Variants in NDST4 observed in about 807,000 individuals in gnomAD.
NDST4 encodes N-deacetylase and N-sulfotransferase 4, also known as N-heparan sulfate sulfotransferase 4.
Under a neutral mutation model 100.8 loss-of-function variants are expected in NDST4, and 63 were observed. That is an observed-to-expected ratio of 0.62 (90% confidence interval 0.51 to 0.77). The LOEUF (loss-of-function observed/expected upper bound fraction) is 0.77, where lower values mean the gene tolerates loss of function less well. NDST4 is among the 30% of genes least tolerant of loss of function. NDST4 has a pLI of 0.00. For synonymous variants in NDST4, 377 were observed against 361.8 expected (o/e 1.04, Z -0.48); for missense variants, 943 against 1,018.4 (o/e 0.93, Z 1.01).
chr4:115,043,344 C>T (rs1450270594), intron 2 of NDST4, among the ~76,000 whole-genome samples: 3 of 151,932 alleles, frequency 2.0e-5, no homozygotes, highest in African/African-American at 7.3e-5. Context: ...TAAGTTATCA[C>T]TAAAATATAC....
intron 2 of NDST4, among the ~76,000 whole-genome samples, chr4:114,991,741 A>T (rs960279699): frequency 1.3e-5 from 2 of 152,066 alleles, no homozygotes; most frequent in African/African-American, 4.8e-5. Flanking sequence ...AATTAAATGG[A>T]GTATTTATAC....
At chr4:115,005,639 C>T (rs1000747738) in intron 2 of NDST4, among the ~76,000 whole-genome samples, 2 of 152,074 alleles carry the variant, frequency 1.3e-5, no homozygotes, top group Non-Finnish European at 2.9e-5. Flanking sequence ...TTACTATATT[C>T]AAACTAATCT....
Position 115,076,998 on chromosome 4 carries a change from T to A in NDST4, c.39A>T (p.Thr13=), listed in dbSNP as rs747733422. 2.5e-6 allele frequency: 4 copies of A among 1,608,332 alleles called. No individual in the cohort carries two copies. In the African/African-American group the frequency reaches 5.4e-5, roughly 22 times the overall value. ...AAAAGGTAGCTAAGAGAACAATCAATGTTCGAAAACTTCTCCGAAGTTTCA... is the reference window on the plus strand; with the variant it reads ...AAAAGGTAGCTAAGAGAACAATCAAAGTTCGAAAACTTCTCCGAAGTTTCA... The part of the protein sequence containing the change: ...LIVKLRRSFR[T]LIVLLATFCL... The change falls in exon 2 of 14, where the codon ACA becomes ACT. Residue 13 remains threonine, a synonymous_variant. Transcript: ENST00000264363.
At chr4:115,016,033 G>C (rs1727669734) in intron 2 of NDST4, among the ~76,000 whole-genome samples, 1 of 151,974 alleles carries the variant, frequency 6.6e-6, no homozygotes. Flanking sequence ...CAATGCTTCT[G>C]CCAAAACTAC....
At chr4:114,859,550 G>C (rs186559750) in intron 7 of NDST4, among the ~76,000 whole-genome samples, 5 of 152,254 alleles carry the variant, frequency 3.3e-5, no homozygotes, top group African/African-American at 1.2e-4. Context: ...TTTCAGACTA[G>C]AGCAAACCCT....
At chr4:114,862,574 A>G (rs566503668) in intron 7 of NDST4, among the ~76,000 whole-genome samples, 21 of 152,216 alleles carry the variant, frequency 1.4e-4, no homozygotes, top group Admixed American at 1.0e-3. Flanking sequence ...CTTATTTGTG[A>G]GCTCGTTCTT....
chr4:114,959,547 A>G (rs1227026270), intron 4 of NDST4, among the ~76,000 whole-genome samples: 1 of 152,064 alleles, frequency 6.6e-6, no homozygotes, highest in Non-Finnish European at 1.5e-5. Flanking sequence ...CATAAGAAAA[A>G]CTTGTCCCCA....
chr4:114,933,118 A>C (rs1395638305), intron 6 of NDST4, among the ~76,000 whole-genome samples: 1 of 152,154 alleles, frequency 6.6e-6, no homozygotes, highest in Non-Finnish European at 1.5e-5. Context: ...TGACATAAAG[A>C]GTGACATAAA....
chr4:114,897,358 C>CT (rs1381106201), intron 6 of NDST4, among the ~76,000 whole-genome samples: 1 of 152,268 alleles, frequency 6.6e-6, no homozygotes, highest in African/African-American at 2.4e-5. Context: ...ACTTCTTTCA[C>CT]TTAATAATAT....
intron 2 of NDST4, among the ~76,000 whole-genome samples, chr4:115,025,148 C>T (rs1407349383): frequency 2.0e-5 from 3 of 152,262 alleles, no homozygotes; most frequent in South Asian, 4.1e-4. Context: ...CAAAGACAGA[C>T]CCCACAAATC....
chr4:114,886,860 C>T (rs116819170), intron 6 of NDST4, among the ~76,000 whole-genome samples: 1,779 of 152,218 alleles, frequency 0.012, 32 homozygotes, highest in Non-Finnish European at 0.021. Context: ...TTTTTGAATA[C>T]TTTTGTGAGA....
At chr4:114,975,106 G>GCA (rs1286565730) in intron 3 of NDST4, among the ~76,000 whole-genome samples, 2 of 152,084 alleles carry the variant, frequency 1.3e-5, no homozygotes, top group African/African-American at 4.8e-5. Context: ...TAGGGGTAAG[G>GCA]CACGTCTTTC....
chr4:115,004,928 G>T (rs960645782), intron 2 of NDST4, among the ~76,000 whole-genome samples: 2 of 152,092 alleles, frequency 1.3e-5, no homozygotes, highest in Non-Finnish European at 2.9e-5. Context: ...TTACAGGATT[G>T]ACTATTTTTC....
chr4:114,941,606 T>A (rs1246786616), intron 4 of NDST4, among the ~76,000 whole-genome samples: 1 of 152,184 alleles, frequency 6.6e-6, no homozygotes, highest in African/African-American at 2.4e-5. Flanking sequence ...TGTTGCTGGC[T>A]GTAAGTTCTT....
At chr4:115,073,257 G>A (rs1210626508) in intron 2 of NDST4, among the ~76,000 whole-genome samples, 1 of 151,864 alleles carries the variant, frequency 6.6e-6, no homozygotes. Context: ...ACAATATGGA[G>A]ATTCTTCAAA....
chr4:114,921,585 G>A (rs1274182934), intron 6 of NDST4, among the ~76,000 whole-genome samples: 2 of 152,034 alleles, frequency 1.3e-5, no homozygotes, highest in Non-Finnish European at 2.9e-5. Context: ...AAAATCACTT[G>A]CTTTTTATCA....
chr4:115,033,149 ATATATATAT>A (rs1179878911), intron 2 of NDST4, among the ~76,000 whole-genome samples: 1,967 of 116,002 alleles, frequency 0.017, 53 homozygotes, highest in African/African-American at 0.074. Flanking sequence ...ATATATATAT[ATATATATAT>A]TTTTTTTTTT....
chr4:114,961,647 T>C (rs905645022), intron 4 of NDST4, among the ~76,000 whole-genome samples: 1 of 151,972 alleles, frequency 6.6e-6, no homozygotes, highest in Admixed American at 6.5e-5. Context: ...CAAATGGAGA[T>C]AGAAAATATA....
chr4:114,985,482 G>A (rs1726879457), intron 2 of NDST4, among the ~76,000 whole-genome samples: 1 of 152,260 alleles, frequency 6.6e-6, no homozygotes, highest in East Asian at 1.9e-4. Context: ...TAGGTGATGA[G>A]CAACACTCTA....
Sources: allele counts gnomAD v4.1 joint callset (sites outside exome capture counted in the v4.1 genomes callset), GRCh38; gene constraint gnomAD v4.1.1; transcripts MANE v1.5; gene names NCBI Gene and HGNC (gene_info 2026-07-23, HGNC 2026-07-21).